The following ERBIN variants were observed in gnomAD, a reference collection of about 807,000 sequenced individuals.
ERBIN encodes densin-180-like protein.
In ERBIN, 60 loss-of-function variants were observed where a neutral mutation model predicts 158.4. The ratio of observed to expected loss-of-function variants is 0.38; its 90% CI spans 0.31 to 0.47. The LOEUF (loss-of-function observed/expected upper bound fraction) is 0.47, where lower values mean the gene tolerates loss of function less well. ERBIN is among the 20% of genes least tolerant of loss of function. The probability of loss-of-function intolerance (pLI) is 0.99; values close to 1 mark genes in which losing one functional copy is unlikely to be tolerated. For missense variants in ERBIN, 1,610 were observed against 1,648.0 expected, an observed-to-expected ratio of 0.98 and a Z score of 0.40; for synonymous variants, 594 against 557.2, an observed-to-expected ratio of 1.07 and a Z score of -0.93.
chr5:66,033,598 G>GCT (rs1172985066), intron 14 of ERBIN, among the ~76,000 whole-genome samples: 14 of 152,152 alleles, frequency 9.2e-5, no homozygotes, highest in Non-Finnish European at 1.9e-4. Flanking sequence ...AGTAATTATA[G>GCT]AGGTATATGG....
chr5:66,043,073 CTAGT>C lies in ERBIN; in HGVS notation c.1307-1_1309del. 1 of 1,576,730 alleles carries C rather than the reference CTAGT, an allele frequency of 6.3e-7. No homozygotes were observed. Among genetic ancestry groups the C allele is most frequent in the Non-Finnish European group, 8.6e-7 (1 of 1,158,438 alleles). On this transcript the variant is annotated splice_acceptor_variant and splice_polypyrimidine_tract_variant and coding_sequence_variant and intron_variant, in exon 16 of 26. Coordinates refer to ENST00000284037, the MANE Select transcript of ERBIN (RefSeq NM_001253697.2). LOFTEE classifies it high-confidence loss of function. Reference sequence around the variant, plus strand: ...GTAGGTTTTTGTTTTTTACTTTTCTCTAGTTATGTTTATATCAGATAATGAAAGT... The same window carrying C: ...GTAGGTTTTTGTTTTTTACTTTTCTCTATGTTTATATCAGATAATGAAAGT...
chr5:66,026,624 A>C (rs1275761988), intron 13 of ERBIN, among the ~76,000 whole-genome samples: 1 of 152,004 alleles, frequency 6.6e-6, no homozygotes, highest in African/African-American at 2.4e-5. Context: ...CATCAGTGTT[A>C]TAAGAAAATG....
chr5:66,053,918 T>C lies in ERBIN; in HGVS notation c.2600T>C (p.Val867Ala), dbSNP rs779751521. 10 of 1,614,028 alleles carry C rather than the reference T, an allele frequency of 6.2e-6. No individual in the cohort carries two copies. Among genetic ancestry groups the C allele is most frequent in the Middle Eastern group, 1.6e-4 (1 of 6,082 alleles). ...SPQKSGPVGSVVKSHSITNME... is the reference protein window; with the variant it reads ...SPQKSGPVGSAVKSHSITNME... ...CAGAAAAGTGGTCCAGTTGGATCTG[T>C]TGTGAAATCTCATAGCATAACTAAT... The change falls in exon 21 of 26, where the codon GTT becomes GCT. Residue 867 changes from valine (V) to alanine (A), a missense_variant. Physicochemically the swap from Val to Ala is moderately conservative, Grantham distance 64 (BLOSUM62 0). Around this residue, in one of 2 missense-constraint regions of ERBIN, gnomAD observed 1,014 missense variants for 936.1 expected, o/e 1.08. Coordinates refer to ENST00000284037, the MANE Select transcript of ERBIN (RefSeq NM_001253697.2).
At chr5:66,025,376 G>A in intron 10 of ERBIN, 104 bp from the exon 11 acceptor site, 1 of 843,610 alleles carries the variant, frequency 1.2e-6, no homozygotes. Flanking sequence ...TGTTAGGAAA[G>A]TTGTTTCTAA....
chr5:65,955,032 C>T (rs909733312), intron 1 of ERBIN, among the ~76,000 whole-genome samples: 8 of 152,042 alleles, frequency 5.3e-5, no homozygotes, highest in African/African-American at 1.4e-4. Flanking sequence ...CCCACTTGCA[C>T]TCCAGCCTGG....
intron 4 of ERBIN, 76 bp from the exon 5 acceptor site, chr5:66,011,973 G>T: frequency 2.4e-6 from 2 of 844,334 alleles, no homozygotes; most frequent in Non-Finnish European, 1.9e-6. Context: ...GAATCTGGAA[G>T]GCATATATTA....
At chr5:66,064,130 C>A (rs1760750444) in intron 21 of ERBIN, among the ~76,000 whole-genome samples, 1 of 151,972 alleles carries the variant, frequency 6.6e-6, no homozygotes, top group Non-Finnish European at 1.5e-5. Context: ...ATGATAAATG[C>A]AATAGTAATC....
At chr5:66,031,839 G>GT (rs1172580461) in intron 14 of ERBIN, among the ~76,000 whole-genome samples, 2 of 151,940 alleles carry the variant, frequency 1.3e-5, no homozygotes, top group East Asian at 1.9e-4. Flanking sequence ...CTCCAAGATA[G>GT]TTTTTTTAAA....
chr5:66,041,819 A>G (rs1757945606), intron 15 of ERBIN, among the ~76,000 whole-genome samples: 3 of 152,020 alleles, frequency 2.0e-5, no homozygotes. Context: ...CAATCATACC[A>G]CAAAAGTATG....
At chr5:66,007,489 A>G (rs1043684224) in intron 4 of ERBIN, among the ~76,000 whole-genome samples, 6 of 152,070 alleles carry the variant, frequency 3.9e-5, no homozygotes, top group South Asian at 2.1e-4. Flanking sequence ...TGGCACATGT[A>G]TACATATGTA....
At position 66,081,945 on chromosome 5, in the gene ERBIN, C is replaced by T. The variant is rs887962523; in HGVS notation, c.*3415C>T. 1.3e-5 allele frequency: 2 copies of T among 151,502 alleles called. No individual in the cohort carries two copies. Among genetic ancestry groups the T allele is most frequent in the African/African-American group, 4.8e-5 (2 of 41,250 alleles). The allele number at this position is 151,502 out of a possible 1,614,324, so 9.4% of individuals were successfully genotyped here. On this transcript the variant is annotated 3_prime_UTR_variant, in exon 26 of 26. Transcript: ENST00000284037. ...AATCTAGACAGGCAGCCAACTCAGA[C>T]CTTTGGGTATTCCTTTGTTTCTAAA...
At chr5:65,982,124 A>C (rs184061745) in intron 1 of ERBIN, among the ~76,000 whole-genome samples, 4 of 152,368 alleles carry the variant, frequency 2.6e-5, no homozygotes, top group East Asian at 3.9e-4. Context: ...CCACAAAAGC[A>C]GTGACTAGAG....
rs918837936 is a variant in ERBIN, at chr5:65,946,787, C to CTT, written c.-58+19997_-58+19998dup. Reference sequence around the variant, plus strand: ...CATCCTAGCCAGCAATTGGTTGTTACTTTTTTTTTTTTTTTTTACTATTTT... The same window carrying CTT: ...CATCCTAGCCAGCAATTGGTTGTTACTTTTTTTTTTTTTTTTTTTACTATTTT... On this transcript the variant is annotated intron_variant, in intron 1 of 25. Coordinates refer to ENST00000284037, the MANE Select transcript of ERBIN (RefSeq NM_001253697.2). 6.7e-4 allele frequency among the ~76,000 whole-genome samples: 90 copies of CTT among 134,462 alleles called. 1 individual carries two copies. Among genetic ancestry groups the CTT allele is most frequent in the African/African-American group, 1.8e-3 (68 of 37,558 alleles). The allele number at this position is 134,462 out of a possible 152,430, so 88.2% of individuals were successfully genotyped here. A position where few individuals can be genotyped will look rare whatever the true frequency, so the allele number is the denominator to read the frequency against.
Position 65,988,183 on chromosome 5 carries a change from C to T in ERBIN, c.-57-452C>T, listed in dbSNP as rs148646237. Reference sequence around the variant, plus strand: ...GCCAGGAGTTCAAGACCAGCATGGCCAACATAGTGAGACCCTGTCTCTAAA... The same window carrying T: ...GCCAGGAGTTCAAGACCAGCATGGCTAACATAGTGAGACCCTGTCTCTAAA... On this transcript the variant is annotated intron_variant, in intron 1 of 25. Transcript: ENST00000284037. 2.8e-3 allele frequency among the ~76,000 whole-genome samples: 423 copies of T among 152,032 alleles called. 11 individuals carry two copies. The East Asian group carries it at 0.075, about 27-fold the overall frequency.
At chr5:65,996,312 A>AT (rs1752441352) in intron 4 of ERBIN, among the ~76,000 whole-genome samples, 5 of 91,210 alleles carry the variant, frequency 5.5e-5, no homozygotes, top group East Asian at 3.2e-4. Context: ...TTTTGAGTTG[A>AT]TTTTTTAAAT....
At position 66,012,088 on chromosome 5, in the gene ERBIN, T is replaced by C; in HGVS notation, c.347T>C (p.Val116Ala). ...CCAGAAAATATAAAAAATTGTAAAG[T>C]TTTGACAATTGTGGAGGCCAGTGTA... ...EFPENIKNCK[V>A]LTIVEASVNP... The change falls in exon 5 of 26, where the codon GTT (valine) becomes GCT (alanine). Residue 116 changes from valine to alanine, a missense_variant. Physicochemically the swap from Val to Ala is moderately conservative, Grantham distance 64. Around this residue, in one of 2 missense-constraint regions of ERBIN, gnomAD observed 596 missense variants for 711.9 expected, o/e 0.84. Coordinates refer to ENST00000284037, the MANE Select transcript of ERBIN (RefSeq NM_001253697.2). The C allele has an allele frequency of 1.9e-6, 3 of 1,607,754 alleles. No homozygotes were observed. The highest frequency in any genetic ancestry group is 2.5e-6 in the Non-Finnish European group (3 of 1,176,620).
chr5:66,063,651 T>C (rs2151276043), intron 21 of ERBIN, among the ~76,000 whole-genome samples: 1 of 152,340 alleles, frequency 6.6e-6, no homozygotes, highest in East Asian at 1.9e-4. Flanking sequence ...AGCTGTAGAC[T>C]GGACCTGTTC....
Position 66,054,027 on chromosome 5 carries a change from T to C in ERBIN, c.2709T>C (p.Ser903=). ...CAAGTACAACCGTTAAAATCACATC[T>C]GCTGTTGATGGAAAAAATATAGTCA... is the stretch of plus-strand genomic sequence containing the variant. The part of the protein sequence containing the change: ...QQPSTTVKIT[S]AVDGKNIVRS... Residue 903 remains serine, a synonymous_variant, in exon 21 of 26, where the codon TCT becomes TCC. Coordinates refer to ENST00000284037, the MANE Select transcript of ERBIN (RefSeq NM_001253697.2). 1 of 1,614,172 alleles carries C rather than the reference T, an allele frequency of 6.2e-7. No homozygotes were observed.
chr5:65,927,076 G>T (rs2150818236), intron 1 of ERBIN, among the ~76,000 whole-genome samples: 1 of 150,772 alleles, frequency 6.6e-6, no homozygotes, highest in African/African-American at 2.4e-5. Context: ...TTAGTAATCC[G>T]AAGAACGATT....
Sources: gnomAD v4.1 joint callset for allele counts (sites outside exome capture counted in the v4.1 genomes callset) on GRCh38, gnomAD v4.1.1 for gene constraint, gnomAD v4.1.1 regional missense constraint, MANE v1.5 for transcripts, NCBI Gene and HGNC (gene_info 2026-07-23, HGNC 2026-07-21) for gene names.